TTC23L: variants seen among roughly 807,000 people sequenced by gnomAD.
The protein encoded by TTC23L is tetratricopeptide repeat domain 23 like.
A neutral mutation model predicts 48.1 loss-of-function variants in TTC23L; 42 were observed. The observed-to-expected ratio is 0.87, with a 90% CI of 0.68 to 1.13. TTC23L has a LOEUF of 1.13. TTC23L is among the 50% of genes most tolerant of loss of function. The pLI is 0.00. For synonymous variants in TTC23L, 159 were observed against 157.2 expected, an observed-to-expected ratio of 1.01 and a Z score of -0.09; for missense variants, 391 against 421.0, an observed-to-expected ratio of 0.93 and a Z score of 0.62.
chr5:34,872,592 T>C (rs558335869), intron 8 of TTC23L, among the ~76,000 whole-genome samples: 13 of 152,264 alleles, frequency 8.5e-5, no homozygotes, highest in East Asian at 1.9e-4. Flanking sequence ...TGAGTGTAAA[T>C]TGATATTAAA....
At chr5:34,915,039 G>A in the TTC23L span, 7 of 772,140 alleles carry the variant, frequency 9.1e-6, no homozygotes, top group Middle Eastern at 2.7e-4. Context: ...GAGGTGGAAA[G>A]GGGCTGGGAG....
rs1761645824 is a variant in TTC23L, at chr5:34,873,838, A to G, written c.949+4825A>G. Reference sequence around the variant, plus strand: ...TTGGAATGCATTTTTGTCTACATACAGAGCAGTTGACAGGATGGGCGACGT... The same window carrying G: ...TTGGAATGCATTTTTGTCTACATACGGAGCAGTTGACAGGATGGGCGACGT... On this transcript the variant is annotated intron_variant, in intron 8 of 10. Coordinates refer to ENST00000505624, the Ensembl canonical transcript of TTC23L. Among the ~76,000 whole-genome samples the G allele has an allele frequency of 4.6e-5, 7 of 152,180 alleles. No individual in the cohort carries two copies. The South Asian group carries it at 1.4e-3, about 31-fold the overall frequency.
At chr5:34,886,205 A>C (rs1243816263) in intron 9 of TTC23L, among the ~76,000 whole-genome samples, 1 of 152,086 alleles carries the variant, frequency 6.6e-6, no homozygotes, top group African/African-American at 2.4e-5. Flanking sequence ...ACTATTATTA[A>C]TTACAAGCTT....
chr5:34,854,284 G>T (rs1453717944), intron 4 of TTC23L, among the ~76,000 whole-genome samples: 2 of 152,212 alleles, frequency 1.3e-5, no homozygotes, highest in Non-Finnish European at 2.9e-5. Context: ...CTGGTCAGAT[G>T]AAGTGTCCAC....
chr5:34,887,213 T>C (rs1358265532), intron 9 of TTC23L, among the ~76,000 whole-genome samples: 1 of 152,102 alleles, frequency 6.6e-6, no homozygotes, highest in African/African-American at 2.4e-5. Flanking sequence ...ATTTTGAAGA[T>C]TCAGAGAAAA....
chr5:34,874,908 A>G (rs930079773), intron 8 of TTC23L, among the ~76,000 whole-genome samples: 1 of 152,194 alleles, frequency 6.6e-6, no homozygotes, highest in African/African-American at 2.4e-5. Flanking sequence ...CAATGTAAAG[A>G]AAGATTTTCA....
At chr5:34,916,007 A>C in the TTC23L span, 1 of 1,312,602 alleles carries the variant, frequency 7.6e-7, no homozygotes, top group Non-Finnish European at 1.0e-6. Context: ...CCCGGGTGTT[A>C]ACGGTAGGTC....
At chr5:34,901,507 A>T (rs1763510805), downstream of TTC23L, among the ~76,000 whole-genome samples, 1 of 152,220 alleles carries the variant, frequency 6.6e-6, no homozygotes, top group South Asian at 2.1e-4. Context: ...TCAAGCCTGT[A>T]ATCCCAGCAC....
At chr5:34,880,094 C>G (rs1232924234) in intron 8 of TTC23L, 87 bp from the exon 9 acceptor site, 2 of 1,476,604 alleles carry the variant, frequency 1.4e-6, no homozygotes, top group African/African-American at 2.8e-5. Context: ...GGACTTTAAG[C>G]ATGAAAATGT....
chr5:34,902,421 A>T (rs1763531171), downstream of TTC23L: 1 of 394,166 alleles, frequency 2.5e-6, no homozygotes, highest in Non-Finnish European at 5.2e-6. Context: ...CCTCTAAAAA[A>T]TAAATTAATA....
chr5:34,877,495 C>T (rs534806533), intron 8 of TTC23L, among the ~76,000 whole-genome samples: 2 of 151,860 alleles, frequency 1.3e-5, no homozygotes, highest in African/African-American at 4.8e-5. Flanking sequence ...GTGATCTCAG[C>T]TCACTGCAAT....
rs773689853 is a variant in TTC23L at position 34,840,735 on chromosome 5, CATAT to C, written c.65_68del (p.His22ArgfsTer38). On this transcript the variant is annotated frameshift_variant and splice_region_variant, in exon 2 of 11. Coordinates refer to ENST00000505624, the Ensembl canonical transcript of TTC23L. LOFTEE classifies it high-confidence loss of function. ...TGACATCGACTGGGATTTCTGCTTC[CATAT>C]GTAAGTATCACAGCATTTTGACATC... 1,064 of 1,613,620 alleles carry C rather than the reference CATAT, an allele frequency of 6.6e-4. 6 individuals are homozygous for C. Among genetic ancestry groups the C allele is most frequent in the South Asian group, 5.6e-3 (513 of 91,070 alleles).
At chr5:34,896,896 G>T in intron 10 of TTC23L, 21 bp downstream of exon 10, 1 of 711,980 alleles carries the variant, frequency 1.4e-6, no homozygotes, top group East Asian at 2.7e-5. Flanking sequence ...TACAGCTGTT[G>T]TACAGGGCAG....
chr5:34,901,993 G>A (rs755099698), downstream of TTC23L, among the ~76,000 whole-genome samples: 1 of 152,178 alleles, frequency 6.6e-6, no homozygotes, highest in African/African-American at 2.4e-5. Context: ...TATATCTAGC[G>A]AAAGAATTTG....
At chr5:34,906,803 C>T in the TTC23L span, 1 of 152,104 alleles carries the variant, frequency 6.6e-6, no homozygotes, top group Non-Finnish European at 1.5e-5. Context: ...TCTTTGTTCA[C>T]ACTAGTAACA....
chr5:34,862,078 C>T (rs1016321931), intron 4 of TTC23L, among the ~76,000 whole-genome samples: 6 of 152,122 alleles, frequency 3.9e-5, no homozygotes, highest in Non-Finnish European at 8.8e-5. Context: ...TGTAGCAGAG[C>T]AGCTCCCTCA....
intron 9 of TTC23L, among the ~76,000 whole-genome samples, chr5:34,894,883 AATGATG>A (rs79554898): frequency 0.015 from 2,329 of 150,916 alleles, 20 homozygotes; most frequent in African/African-American, 0.027. Flanking sequence ...TGAGAGTGTT[AATGATG>A]ATGATGATGA....
At chr5:34,840,244 G>GGGC (rs1758523089) in intron 1 of TTC23L, among the ~76,000 whole-genome samples, 2 of 142,734 alleles carry the variant, frequency 1.4e-5, no homozygotes, top group Admixed American at 1.4e-4. Flanking sequence ...CCCCGGGGGG[G>GGGC]GGGGGGAAAG....
At chr5:34,862,971 C>T in exon 5 of TTC23L, 1 of 1,613,952 alleles carries the variant, frequency 6.2e-7, no homozygotes, top group Non-Finnish European at 8.5e-7. Context: ...CAAATACGAC[C>T]TCAAATAAGG....
Sources: gnomAD v4.1 joint callset for allele counts (sites outside exome capture counted in the v4.1 genomes callset) on GRCh38, gnomAD v4.1.1 for gene constraint, MANE v1.5 for transcripts, NCBI Gene and HGNC (gene_info 2026-07-23, HGNC 2026-07-21) for gene names.